The following DYNC1H1 variants were observed in gnomAD, a reference collection of about 807,000 sequenced individuals.
DYNC1H1 encodes the protein cytoplasmic dynein 1 heavy chain 1.
DYNC1H1 carries 51 observed loss-of-function variants against 527.1 expected under a neutral mutation model. The ratio of observed to expected loss-of-function variants is 0.10; its 90% CI spans 0.08 to 0.12. The LOEUF (loss-of-function observed/expected upper bound fraction) is 0.12. Ranked by LOEUF, DYNC1H1 falls within the 10% of genes least tolerant of loss-of-function variation. The pLI is 1.00. For missense variants in DYNC1H1, 2,771 were observed against 5,971.8 expected, an observed-to-expected ratio of 0.46 and a Z score of 17.66; for synonymous variants, 2,189 against 2,278.8, an observed-to-expected ratio of 0.96 and a Z score of 1.12.
chr14:102,047,639 G>GCC (rs1555412506), intron 72 of DYNC1H1, 178 bp from the exon 73 acceptor site: 7 of 352,000 alleles, frequency 2.0e-5, no homozygotes, highest in Non-Finnish European at 3.3e-5. Flanking sequence ...GTGTGTGTGT[G>GCC]TGTATATATA....
At chr14:102,030,865 CGAGGCAGGAGGATCATTT>C (rs1386370441) in intron 51 of DYNC1H1, among the ~76,000 whole-genome samples, 4 of 151,992 alleles carry the variant, frequency 2.6e-5, no homozygotes, top group Non-Finnish European at 5.9e-5. Context: ...TTTGGGAGGC[CGAGGCAGGAGGATCATTT>C]GAGGCAGGAG....
Position 102,044,225 on chromosome 14 carries a change from G to GCCTGCACGCCTCTGA in DYNC1H1, c.12685-44_12685-43insACGCCTCTGACCTGC. 2 of 1,608,708 alleles carry GCCTGCACGCCTCTGA rather than the reference G, an allele frequency of 1.2e-6. No individual in the cohort carries two copies. The highest frequency in any genetic ancestry group is 1.7e-6 in the Non-Finnish European group (2 of 1,178,192). ...TGTGCCCCTCGAAAGGAAGCCCCGG[G>GCCTGCACGCCTCTGA]CCTGCCCGCCTCTGACCACACACAC... On this transcript the variant is annotated intron_variant, in intron 70 of 77. Coordinates refer to ENST00000360184, the MANE Select transcript of DYNC1H1 (RefSeq NM_001376.5). The surrounding 1 kb of genome is among the most constrained non-coding windows in gnomAD (Gnocchi z 7.1).
chr14:101,979,478 T>G lies in DYNC1H1; in HGVS notation c.504T>G (p.Ser168=). 6.2e-7 allele frequency: 1 copy of G among 1,614,206 alleles called. No individual in the cohort carries two copies. The highest frequency in any genetic ancestry group is 8.5e-7 in the Non-Finnish European group (1 of 1,180,036). Residue 168 remains serine, a synonymous_variant, in exon 3 of 78, where the codon TCT becomes TCG. Transcript: ENST00000360184. This position sits in a 1 kb window ranked among gnomAD's most constrained non-coding sequence, Gnocchi z 4.6. Reference sequence around the variant, plus strand: ...TTTTTAAGTCCTACATTAGAGAGTCTGGCAAGGCAGACAGGTAAAAACTGT... The same window carrying G: ...TTTTTAAGTCCTACATTAGAGAGTCGGGCAAGGCAGACAGGTAAAAACTGT... The part of the protein sequence containing the change: ...APFFKSYIRE[S]GKADRDGDKM...
At chr14:102,008,444 A>C in intron 29 of DYNC1H1, 107 bp downstream of exon 29, 6 of 1,432,928 alleles carry the variant, frequency 4.2e-6, no homozygotes, top group Non-Finnish European at 5.7e-6. Flanking sequence ...TTTAGCTCAC[A>C]GGAGCTCACT....
intron 1 of DYNC1H1, among the ~76,000 whole-genome samples, chr14:101,966,418 A>AT (rs1300925146): frequency 2.0e-5 from 3 of 152,002 alleles, no homozygotes; most frequent in Non-Finnish European, 2.9e-5. Flanking sequence ...GTTAAAAAAA[A>AT]AAAATTTATC....
At chr14:101,968,999 T>C (rs1566992513) in intron 1 of DYNC1H1, among the ~76,000 whole-genome samples, 2 of 152,158 alleles carry the variant, frequency 1.3e-5, no homozygotes, top group Non-Finnish European at 2.9e-5. Flanking sequence ...TATTGGCTTC[T>C]GCAAGACCTT....
rs1567005557 is a variant in DYNC1H1, at chr14:102,000,028, A to G, written c.3844A>G (p.Ile1282Val). Reference protein sequence around the residue: ...RPEEALQALTIYEGKFGRLKD... With the variant: ...RPEEALQALTVYEGKFGRLKD... ...AGAAGAGGCACTTCAGGCTCTCACC[A>G]TATATGAGGGGAAGTTTGGTAGGCT... is the stretch of plus-strand genomic sequence containing the variant. The change falls in exon 17 of 78, where the codon ATA (isoleucine) becomes GTA (valine). Residue 1282 changes from isoleucine to valine, a missense_variant. This residue lies in a region of DYNC1H1 where 223 missense variants were observed against 462.5 expected (regional missense o/e 0.48). Coordinates refer to ENST00000360184, the MANE Select transcript of DYNC1H1 (RefSeq NM_001376.5). 5.0e-6 allele frequency: 8 copies of G among 1,614,198 alleles called. No homozygotes were observed. The highest frequency in any genetic ancestry group is 2.2e-5 in the East Asian group (1 of 44,890).
At chr14:102,043,165 C>T (rs985688070) in intron 69 of DYNC1H1, 4 of 317,666 alleles carry the variant, frequency 1.3e-5, no homozygotes, top group African/African-American at 8.7e-5. Flanking sequence ...CGCCTATAAT[C>T]CCAGCTACTG....
rs1204691732 is a variant in DYNC1H1, at chr14:102,053,584, G to A, written c.*3021G>A. 13 of 152,000 alleles carry A rather than the reference G, an allele frequency of 8.6e-5. No individual in the cohort carries two copies. Among genetic ancestry groups the A allele is most frequent in the Admixed American group, 7.2e-4 (11 of 15,208 alleles). The allele number at this position is 152,000 out of a possible 1,614,324, so 9.4% of individuals were successfully genotyped here. A position where few individuals can be genotyped will look rare whatever the true frequency, so the allele number is the denominator to read the frequency against. On this transcript the variant is annotated 3_prime_UTR_variant, in exon 78 of 78. Transcript: ENST00000360184. Reference sequence around the variant, plus strand: ...CTGCCTCAGCCTCCCAAGTAGCTGGGACTACAGGCGCCCACCACCAAGCCC... The same window carrying A: ...CTGCCTCAGCCTCCCAAGTAGCTGGAACTACAGGCGCCCACCACCAAGCCC...
intron 4 of DYNC1H1, 74 bp downstream of exon 4, chr14:101,980,048 TGTAA>T: frequency 6.2e-7 from 1 of 1,606,126 alleles, no homozygotes; most frequent in Non-Finnish European, 8.5e-7. Context: ...ATCTGGATTT[TGTAA>T]GTGAGGTAAA....
In DYNC1H1 at chr14:102,044,160, C is replaced by T. The variant is rs1281484334; in HGVS notation, c.12685-114C>T. 1.8e-5 allele frequency: 29 copies of T among 1,582,470 alleles called. No individual in the cohort carries two copies. The highest frequency in any genetic ancestry group is 4.6e-5 in the East Asian group (2 of 43,916). On this transcript the variant is annotated intron_variant, in intron 70 of 77. Coordinates refer to ENST00000360184, the MANE Select transcript of DYNC1H1 (RefSeq NM_001376.5). This position sits in a 1 kb window ranked among gnomAD's most constrained non-coding sequence, Gnocchi z 7.1. ...GAAGAGCGAGCTGACCCCTCGTGAC[C>T]GCCAAAGCCTAGCTGGCCATGGGGA... is the stretch of plus-strand genomic sequence containing the variant.
rs1249338990 is a variant in DYNC1H1 at position 102,012,527 on chromosome 14, C to T, written c.7014+57C>T. ...TAATTCCTTTTGGCCAACTAAACTTCGTGTGCTAGCTAAGTGCAGCTCTGG... is the reference window on the plus strand; with the variant it reads ...TAATTCCTTTTGGCCAACTAAACTTTGTGTGCTAGCTAAGTGCAGCTCTGG... On this transcript the variant is annotated intron_variant, in intron 34 of 77. Transcript: ENST00000360184. The surrounding 1 kb of genome is among the most constrained non-coding windows in gnomAD (Gnocchi z 4.9). 2.2e-5 allele frequency: 35 copies of T among 1,610,192 alleles called. No individual in the cohort carries two copies. The highest frequency in any genetic ancestry group is 3.3e-5 in the Admixed American group (2 of 60,002).
rs1244284815 is a variant in DYNC1H1 at position 101,990,483 on chromosome 14, C to T, written c.2869-1044C>T. Among the ~76,000 whole-genome samples the T allele has an allele frequency of 7.2e-5, 11 of 152,164 alleles. No individual in the cohort carries two copies. In the East Asian group the frequency reaches 2.1e-3, roughly 29 times the overall value. On this transcript the variant is annotated intron_variant, in intron 10 of 77. Coordinates refer to ENST00000360184, the MANE Select transcript of DYNC1H1 (RefSeq NM_001376.5). ...GGGAAGGCACAAATGACAAACATGA[C>T]ATTATACAAGACCATGTCTGATAAT...
chr14:102,030,107 T>A, intron 50 of DYNC1H1, 55 bp from the exon 51 acceptor site: 3 of 1,613,556 alleles, frequency 1.9e-6, no homozygotes, highest in Non-Finnish European at 2.5e-6. Flanking sequence ...GTTTAGAATT[T>A]AGTCAGCAAA....
At position 102,042,031 on chromosome 14, in the gene DYNC1H1, G is replaced by A; in HGVS notation, c.12121G>A (p.Val4041Ile). Reference protein sequence around the residue: ...VGTEVKPNTPVLMCSVPGYDA... With the variant: ...VGTEVKPNTPILMCSVPGYDA... ...TTTGCAGGTGAAGCCCAACACTCCT[G>A]TCTTAATGTGCTCTGTGCCTGGTTA... The change falls in exon 66 of 78, where the codon GTC becomes ATC. Residue 4041 changes from valine to isoleucine, a missense_variant. By Grantham distance (29) the Val-to-Ile change is conservative. This residue lies in a region of DYNC1H1 where 195 missense variants were observed against 428.6 expected (regional missense o/e 0.45). Transcript: ENST00000360184. This position sits in a 1 kb window ranked among gnomAD's most constrained non-coding sequence, Gnocchi z 5.7. 1 of 1,614,132 alleles carries A rather than the reference G, an allele frequency of 6.2e-7. No homozygotes were observed. Among genetic ancestry groups the A allele is most frequent in the Non-Finnish European group, 8.5e-7 (1 of 1,180,034 alleles).
Position 102,039,624 on chromosome 14 carries a change from T to C in DYNC1H1, c.11596-14T>C. ...TCTCTTATGGAACAACATCGTCTCC[T>C]GCTCTTGTCCCAGGTGGCGTTTAAC... On this transcript the variant is annotated splice_polypyrimidine_tract_variant and intron_variant, in intron 61 of 77. Coordinates refer to ENST00000360184, the MANE Select transcript of DYNC1H1 (RefSeq NM_001376.5). This position sits in a 1 kb window ranked among gnomAD's most constrained non-coding sequence, Gnocchi z 7.0. The C allele has an allele frequency of 6.2e-7, 1 of 1,614,202 alleles. No homozygotes were observed. Among genetic ancestry groups the C allele is most frequent in the South Asian group, 1.1e-5 (1 of 91,086 alleles).
Position 102,011,877 on chromosome 14 carries a change from T to C in DYNC1H1, c.6621T>C (p.Val2207=). 1 of 1,614,126 alleles carries C rather than the reference T, an allele frequency of 6.2e-7. No homozygotes were observed. The highest frequency in any genetic ancestry group is 1.1e-5 in the South Asian group (1 of 91,076). The change falls in exon 33 of 78, where the codon GTT becomes GTC. Residue 2207 remains valine, a splice_region_variant and synonymous_variant. Transcript: ENST00000360184. The surrounding 1 kb of genome is among the most constrained non-coding windows in gnomAD (Gnocchi z 5.3). The stretch of plus-strand genomic sequence containing the variant: ...TGCTGGTCTGTTGGGCCCTGCAGGT[T>C]CTCCAGCTCTATCAGATCACCCAGA... ...EEVGGMWVEK[V]LQLYQITQIN...
intron 43 of DYNC1H1, chr14:102,023,097 T>G: frequency 1.5e-6 from 1 of 680,452 alleles, no homozygotes; most frequent in Admixed American, 2.6e-5. Context: ...ACTCCACCTC[T>G]ACAAAAAAAT....
chr14:101,974,816 A>G (rs1260509306), intron 1 of DYNC1H1, among the ~76,000 whole-genome samples: 1 of 152,212 alleles, frequency 6.6e-6, no homozygotes, highest in Admixed American at 6.5e-5. Flanking sequence ...TACTGACGTA[A>G]GCCACCAGCC....
Sources: gnomAD v4.1 joint callset for allele counts (sites outside exome capture counted in the v4.1 genomes callset) on GRCh38, gnomAD v4.1.1 for gene constraint, gnomAD v4.1.1 regional missense constraint, Gnocchi (gnomAD v3.1) non-coding constraint, MANE v1.5 for transcripts, NCBI Gene and HGNC (gene_info 2026-07-23, HGNC 2026-07-21) for gene names.